SPIDR: variants seen among roughly 807,000 people sequenced by gnomAD.
SPIDR encodes the protein DNA repair-scaffolding protein.
A neutral mutation model predicts 104.6 loss-of-function variants in SPIDR; 93 were observed. The observed-to-expected ratio is 0.89, with a 90% confidence interval of 0.75 to 1.06. The LOEUF (loss-of-function observed/expected upper bound fraction) is 1.06. SPIDR is among the 50% of genes least tolerant of loss of function. The pLI is 0.00. For missense variants in SPIDR, 1,154 were observed against 1,111.2 expected (o/e 1.04, Z -0.55); for synonymous variants, 431 against 416.9 (o/e 1.03, Z -0.41).
At chr8:47,682,072 G>T (rs1420947545) in intron 11 of SPIDR, among the ~76,000 whole-genome samples, 1 of 152,026 alleles carries the variant, frequency 6.6e-6, no homozygotes, top group Non-Finnish European at 1.5e-5. Flanking sequence ...TTAAACCAAG[G>T]TGGTCGTTGT....
chr8:47,620,756 T>G (rs2065034311), intron 10 of SPIDR, among the ~76,000 whole-genome samples: 1 of 150,528 alleles, frequency 6.6e-6, no homozygotes, highest in South Asian at 2.1e-4. Context: ...TAGCTGGGAC[T>G]ACAGGCACAC....
intron 19 of SPIDR, 78 bp from the exon 20 acceptor site, chr8:47,735,229 C>A: frequency 7.0e-7 from 1 of 1,424,870 alleles, no homozygotes; most frequent in Non-Finnish European, 9.9e-7. Flanking sequence ...TCCACTCTGG[C>A]TCTCTGGTTT....
intron 1 of SPIDR, among the ~76,000 whole-genome samples, chr8:47,277,817 G>A (rs927033965): frequency 2.6e-5 from 4 of 151,834 alleles, no homozygotes; most frequent in Admixed American, 2.6e-4. Context: ...TGGGACTACA[G>A]GCGCACACCA....
At chr8:47,504,135 G>A (rs1232053638) in intron 8 of SPIDR, among the ~76,000 whole-genome samples, 2 of 152,196 alleles carry the variant, frequency 1.3e-5, no homozygotes, top group African/African-American at 4.8e-5. Context: ...TTCTCGAGGA[G>A]TGTCTTTGTG....
At chr8:47,544,457 A>C (rs2088859519) in intron 8 of SPIDR, among the ~76,000 whole-genome samples, 1 of 152,206 alleles carries the variant, frequency 6.6e-6, no homozygotes, top group Non-Finnish European at 1.5e-5. Context: ...TGTAAATCCA[A>C]AAGATTTTCT....
At chr8:47,596,923 C>T (rs1294186087) in intron 9 of SPIDR, among the ~76,000 whole-genome samples, 1 of 152,056 alleles carries the variant, frequency 6.6e-6, no homozygotes, top group Non-Finnish European at 1.5e-5. Flanking sequence ...TCAGGGCCAT[C>T]AATATCACCA....
At position 47,637,492 on chromosome 8, in the gene SPIDR, C is replaced by A. The variant is rs565332114; in HGVS notation, c.1545-36309C>A. On this transcript the variant is annotated intron_variant, in intron 10 of 19. Coordinates refer to ENST00000297423, the MANE Select transcript of SPIDR (RefSeq NM_001080394.4). ...GGCTGAGGTGGGAGAATTGCTTAAACCCAGGAGGCAGAGGTTGCAATGAGC... is the reference window on the plus strand; with the variant it reads ...GGCTGAGGTGGGAGAATTGCTTAAAACCAGGAGGCAGAGGTTGCAATGAGC... Among the ~76,000 whole-genome samples the A allele has an allele frequency of 1.2e-4, 18 of 152,214 alleles. No individual in the cohort carries two copies. The South Asian group carries it at 3.5e-3, about 30-fold the overall frequency.
chr8:47,265,922 A>G (rs2033871345), intron 1 of SPIDR, among the ~76,000 whole-genome samples: 1 of 152,092 alleles, frequency 6.6e-6, no homozygotes, highest in South Asian at 2.1e-4. Context: ...GGTCTCTTTT[A>G]TAAGGGCATC....
intron 5 of SPIDR, among the ~76,000 whole-genome samples, chr8:47,309,589 C>T (rs957649978): frequency 6.6e-6 from 1 of 152,204 alleles, no homozygotes; most frequent in African/African-American, 2.4e-5. Flanking sequence ...GAACCTTCTT[C>T]CCCTTTCAGT....
At chr8:47,636,587 G>A (rs1050066272) in intron 10 of SPIDR, among the ~76,000 whole-genome samples, 9 of 152,074 alleles carry the variant, frequency 5.9e-5, no homozygotes, top group African/African-American at 1.9e-4. Flanking sequence ...TTGGGAGGCC[G>A]AGGCTGGAGG....
intron 16 of SPIDR, among the ~76,000 whole-genome samples, chr8:47,724,990 G>A (rs901763916): frequency 2.0e-5 from 3 of 152,206 alleles, no homozygotes; most frequent in African/African-American, 7.2e-5. Context: ...AGGAAGGGAT[G>A]CAGCAGGCTC....
At chr8:47,472,027 A>G (rs1357272921) in intron 8 of SPIDR, among the ~76,000 whole-genome samples, 1 of 152,194 alleles carries the variant, frequency 6.6e-6, no homozygotes, top group Admixed American at 6.5e-5. Context: ...AGACTTTTAC[A>G]TTCATGTTCA....
intron 1 of SPIDR, among the ~76,000 whole-genome samples, chr8:47,264,493 C>T (rs1554545087): frequency 6.6e-6 from 1 of 152,138 alleles, no homozygotes; most frequent in African/African-American, 2.4e-5. Flanking sequence ...CCATGAGTTT[C>T]TCCTGCCCTA....
chr8:47,321,883 G>C (rs533941563), intron 5 of SPIDR, among the ~76,000 whole-genome samples: 2 of 152,280 alleles, frequency 1.3e-5, no homozygotes, highest in South Asian at 4.1e-4. Context: ...GGGAAAAGTG[G>C]CTAGCCATAT....
At chr8:47,314,091 A>G (rs2044776152) in intron 5 of SPIDR, among the ~76,000 whole-genome samples, 1 of 152,192 alleles carries the variant, frequency 6.6e-6, no homozygotes, top group Non-Finnish European at 1.5e-5. Context: ...ATGTTACAAT[A>G]TGGCATTTAT....
intron 5 of SPIDR, among the ~76,000 whole-genome samples, chr8:47,350,311 T>G (rs1042839072): frequency 6.6e-6 from 1 of 152,238 alleles, no homozygotes; most frequent in Non-Finnish European, 1.5e-5. Context: ...ACACTTGTTA[T>G]AATTTATGTG....
chr8:47,265,216 G>C (rs1388828995), intron 1 of SPIDR, among the ~76,000 whole-genome samples: 10 of 127,318 alleles, frequency 7.9e-5, no homozygotes, highest in African/African-American at 3.2e-4. Flanking sequence ...TTTTGAGACA[G>C]TCTTACTCTG....
chr8:47,519,492 T>C (rs945276980), intron 8 of SPIDR, among the ~76,000 whole-genome samples: 1 of 152,190 alleles, frequency 6.6e-6, no homozygotes, highest in African/African-American at 2.4e-5. Context: ...AAAAGATGGC[T>C]TTGGTCAAGC....
At chr8:47,723,424 C>CT (rs1172759816) in intron 16 of SPIDR, among the ~76,000 whole-genome samples, 1,736 of 129,360 alleles carry the variant, frequency 0.013, 34 homozygotes, top group African/African-American at 0.029. Context: ...ATCAATTATA[C>CT]TTTTTTTTTT....
Sources: gnomAD v4.1 joint callset for allele counts (sites outside exome capture counted in the v4.1 genomes callset) on GRCh38, gnomAD v4.1.1 for gene constraint, MANE v1.5 for transcripts, NCBI Gene and HGNC (gene_info 2026-07-23, HGNC 2026-07-21) for gene names.